SVEP1: variants seen among roughly 807,000 people sequenced by gnomAD.
SVEP1 encodes sushi, von Willebrand factor type A, EGF and pentraxin domain-containing protein 1.
SVEP1 carries 164 observed loss-of-function variants against 367.3 expected under a neutral mutation model. That is an observed-to-expected ratio of 0.45 (90% CI 0.39 to 0.51). The LOEUF is 0.51. SVEP1 is among the 20% of genes least tolerant of loss of function. The pLI is 0.00. For missense variants in SVEP1, 4,117 were observed against 4,425.3 expected (o/e 0.93, Z 1.98); for synonymous variants, 1,666 against 1,611.6 (o/e 1.03, Z -0.81).
chr9:110,468,760 CTA>C (rs1175191464), intron 17 of SVEP1, among the ~76,000 whole-genome samples, 178 bp downstream of exon 17: 3 of 152,228 alleles, frequency 2.0e-5, no homozygotes, highest in Non-Finnish European at 4.4e-5. Context: ...CTGGAGGCTC[CTA>C]TGTCACCTAA....
chr9:110,469,098 T>C lies in SVEP1; in HGVS notation c.3002A>G (p.Asn1001Ser), dbSNP rs199941997. Residue 1001 changes from asparagine (N) to serine (S), a missense_variant, in exon 17 of 48, where the codon AAT becomes AGT. This residue lies in a region of SVEP1 where 2,174 missense variants were observed against 2,494.3 expected (regional missense o/e 0.87). Transcript: ENST00000374469. ...GSVLRGRMCVNCPLGTYYNLE... is the reference protein window; with the variant it reads ...GSVLRGRMCVSCPLGTYYNLE... ...ATTATAATAGGTTCCCAAAGGGCAA[T>C]TGACTACAGAAAAAGCAAACAGGAA... 3.4e-5 allele frequency: 54 copies of C among 1,609,752 alleles called. No individual in the cohort carries two copies. Among genetic ancestry groups the C allele is most frequent in the East Asian group, 1.1e-4 (5 of 44,832 alleles).
chr9:110,576,782 T>A (rs559456534), intron 1 of SVEP1, among the ~76,000 whole-genome samples: 1 of 152,244 alleles, frequency 6.6e-6, no homozygotes, highest in Admixed American at 6.5e-5. Flanking sequence ...TCTAAAAATC[T>A]ACAACTTTGT....
At chr9:110,427,341 AT>A (rs1165171956) in intron 36 of SVEP1, among the ~76,000 whole-genome samples, 1 of 149,156 alleles carries the variant, frequency 6.7e-6, no homozygotes, top group African/African-American at 2.5e-5. Flanking sequence ...ATATGAAGAT[AT>A]TTTTTCACTG....
At chr9:110,436,645 G>T in intron 27 of SVEP1, 141 bp from the exon 28 acceptor site, 1 of 1,229,132 alleles carries the variant, frequency 8.1e-7, no homozygotes, top group Non-Finnish European at 1.1e-6. Context: ...TAAATTTACT[G>T]CAGGTTTTAT....
intron 3 of SVEP1, among the ~76,000 whole-genome samples, chr9:110,540,984 A>G (rs1830137293): frequency 1.3e-5 from 2 of 152,154 alleles, no homozygotes; most frequent in Admixed American, 1.3e-4. Flanking sequence ...GAAAGAGAAG[A>G]CCACAGTAAT....
At chr9:110,542,278 G>A (rs80189247) in intron 3 of SVEP1, among the ~76,000 whole-genome samples, 3,954 of 152,100 alleles carry the variant, frequency 0.026, 133 homozygotes, top group African/African-American at 0.071. Context: ...TGATGTTTGG[G>A]TATGTTATCT....
intron 21 of SVEP1, among the ~76,000 whole-genome samples, chr9:110,456,315 C>G (rs549760772): frequency 2.8e-4 from 43 of 152,278 alleles, no homozygotes; most frequent in African/African-American, 8.4e-4. Context: ...AACAAGCCTT[C>G]CAGATGATTC....
chr9:110,513,591 A>C (rs1212254366), intron 4 of SVEP1, among the ~76,000 whole-genome samples: 12 of 152,202 alleles, frequency 7.9e-5, no homozygotes. Flanking sequence ...ATATTATTTC[A>C]AAGATAAATG....
intron 23 of SVEP1, 29 bp downstream of exon 23, chr9:110,451,260 A>G: frequency 1.9e-6 from 3 of 1,563,280 alleles, no homozygotes; most frequent in East Asian, 4.5e-5. Context: ...AGATTTTAAG[A>G]CAACATAGGA....
chr9:110,535,716 T>C (rs559087730), intron 3 of SVEP1, among the ~76,000 whole-genome samples: 2 of 152,236 alleles, frequency 1.3e-5, no homozygotes, highest in African/African-American at 4.8e-5. Context: ...ATTGTAGAGA[T>C]CTTTCACCTC....
intron 46 of SVEP1, among the ~76,000 whole-genome samples, chr9:110,372,715 T>C (rs1827297015): frequency 6.6e-6 from 1 of 151,852 alleles, no homozygotes. Context: ...TCATTGCAAA[T>C]GTAAGGAGAT....
chr9:110,394,439 G>C (rs537592655), intron 40 of SVEP1, among the ~76,000 whole-genome samples: 1 of 152,294 alleles, frequency 6.6e-6, no homozygotes, highest in East Asian at 1.9e-4. Context: ...CTAAAAATCA[G>C]AGCGCCTCTC....
At chr9:110,395,182 A>C (rs1366446425) in intron 40 of SVEP1, among the ~76,000 whole-genome samples, 1 of 152,254 alleles carries the variant, frequency 6.6e-6, no homozygotes, top group Non-Finnish European at 1.5e-5. Flanking sequence ...GCCAGAAGAG[A>C]GTGGGGGCCA....
In SVEP1 at chr9:110,427,743, G is replaced by C; in HGVS notation, c.5823C>G (p.Ser1941=). 1 of 1,612,544 alleles carries C rather than the reference G, an allele frequency of 6.2e-7. No homozygotes were observed. Among genetic ancestry groups the C allele is most frequent in the Non-Finnish European group, 8.5e-7 (1 of 1,179,246 alleles). The stretch of plus-strand genomic sequence containing the variant: ...TGCCAGAAGCCGTGCATTCAATAAT[G>C]GAAGGGCCCTGTAAGCTGCGGGAAA... ...CDTGYSLQGP[S]IIECTASGIW... is the part of the protein sequence containing the mutation. The change falls in exon 36 of 48, where the codon TCC becomes TCG. Residue 1941 remains serine (S), a synonymous_variant. Coordinates refer to ENST00000374469, the MANE Select transcript of SVEP1 (RefSeq NM_153366.4).
At chr9:110,372,127 T>G (rs1481379251) in intron 46 of SVEP1, among the ~76,000 whole-genome samples, 1 of 152,234 alleles carries the variant, frequency 6.6e-6, no homozygotes, top group Non-Finnish European at 1.5e-5. Context: ...CACCTGTATA[T>G]TTTGTGGTCC....
intron 27 of SVEP1, 81 bp from the exon 28 acceptor site, chr9:110,436,585 C>A (rs1009703287): frequency 6.7e-7 from 1 of 1,491,134 alleles, no homozygotes; most frequent in Admixed American, 2.3e-5. Context: ...TTAATGAAAG[C>A]ACGACTGATA....
intron 3 of SVEP1, among the ~76,000 whole-genome samples, chr9:110,528,125 T>TAC (rs1829964961): frequency 1.6e-5 from 2 of 126,156 alleles, no homozygotes; most frequent in African/African-American, 2.9e-5. Flanking sequence ...TATACATACA[T>TAC]ACACACGTGT....
In SVEP1 at chr9:110,476,221, T is replaced by G; in HGVS notation, c.2582A>C (p.Glu861Ala). The change falls in exon 14 of 48, where the codon GAA becomes GCA. Residue 861 changes from glutamate to alanine, a missense_variant. Glu to Ala is a moderately radical substitution (Grantham distance 107). This residue lies in a region of SVEP1 where 2,174 missense variants were observed against 2,494.3 expected (regional missense o/e 0.87). Transcript: ENST00000374469. ...TTAATTACCAATTGCAAAGCCATTT[T>G]CATAGTCATAATTATATTCTAGGCA... Reference protein sequence around the residue: ...KYCLEYNYDYENGFAIGPGGW... With the variant: ...KYCLEYNYDYANGFAIGPGGW... The G allele has an allele frequency of 1.9e-6, 3 of 1,611,634 alleles. No individual in the cohort carries two copies. Among genetic ancestry groups the G allele is most frequent in the Non-Finnish European group, 2.5e-6 (3 of 1,178,178 alleles).
intron 8 of SVEP1, among the ~76,000 whole-genome samples, chr9:110,493,717 C>T (rs1829404180): frequency 6.6e-6 from 1 of 152,074 alleles, no homozygotes. Context: ...GGGGACAGAG[C>T]AAGACTCTGT....
Sources: gnomAD v4.1 joint callset for allele counts (sites outside exome capture counted in the v4.1 genomes callset) on GRCh38, gnomAD v4.1.1 for gene constraint, gnomAD v4.1.1 regional missense constraint, MANE v1.5 for transcripts, NCBI Gene and HGNC (gene_info 2026-07-23, HGNC 2026-07-21) for gene names.